The following NXPH2 variants were observed in gnomAD, a reference collection of about 807,000 sequenced individuals.
NXPH2 encodes the protein neurexophilin-2.
A neutral mutation model predicts 19.8 loss-of-function variants in NXPH2; 5 were observed. The observed-to-expected ratio is 0.25, with a 90% CI of 0.13 to 0.53. NXPH2 has a LOEUF of 0.53. Among genes scored for constraint, NXPH2 ranks in the 20% least tolerant of loss-of-function variants. The pLI is 0.96. For missense variants in NXPH2, 289 were observed against 322.8 expected (o/e 0.90, Z 0.80); for synonymous variants, 154 against 127.4 (o/e 1.21, Z -1.41).
chr2:138,704,830 T>G (rs1680983945), intron 1 of NXPH2, among the ~76,000 whole-genome samples: 2 of 151,692 alleles, frequency 1.3e-5, no homozygotes, highest in Admixed American at 1.3e-4. Context: ...CTAATTTTTT[T>G]TTTTTTTTTT....
intron 1 of NXPH2, among the ~76,000 whole-genome samples, chr2:138,773,843 C>T (rs909113554): frequency 3.9e-5 from 6 of 152,148 alleles, no homozygotes; most frequent in African/African-American, 1.4e-4. Context: ...GAGACATTTA[C>T]GTGCTTACAG....
chr2:138,693,121 T>C (rs1358412035), intron 1 of NXPH2, among the ~76,000 whole-genome samples: 1 of 152,198 alleles, frequency 6.6e-6, no homozygotes, highest in Non-Finnish European at 1.5e-5. Flanking sequence ...GTTCCATGAA[T>C]GTGTTGTGCT....
chr2:138,725,599 G>A (rs1488235518), intron 1 of NXPH2, among the ~76,000 whole-genome samples: 2 of 152,168 alleles, frequency 1.3e-5, no homozygotes, highest in Non-Finnish European at 2.9e-5. Context: ...ACAGAAAGAT[G>A]TTGTAGACTT....
intron 1 of NXPH2, among the ~76,000 whole-genome samples, chr2:138,697,331 A>G (rs1334546328): frequency 6.6e-6 from 1 of 152,166 alleles, no homozygotes; most frequent in Non-Finnish European, 1.5e-5. Context: ...TACTGTATGT[A>G]AATTATACCT....
At chr2:138,697,177 G>A (rs1680840862) in intron 1 of NXPH2, among the ~76,000 whole-genome samples, 1 of 152,064 alleles carries the variant, frequency 6.6e-6, no homozygotes. Flanking sequence ...GGGGTTGGTG[G>A]TGTTGACTGC....
At chr2:138,671,708 C>T in intron 1 of NXPH2, 43 bp from the exon 2 acceptor site, 1 of 1,504,712 alleles carries the variant, frequency 6.6e-7, no homozygotes, top group Non-Finnish European at 8.9e-7. Flanking sequence ...AGGTTAGTGC[C>T]GTGACTGCGC....
chr2:138,675,088 C>T (rs1016694182), intron 1 of NXPH2, among the ~76,000 whole-genome samples: 1 of 152,114 alleles, frequency 6.6e-6, no homozygotes, highest in Non-Finnish European at 1.5e-5. Context: ...TGATTCTTAC[C>T]TTTATATATC....
chr2:138,774,078 A>T (rs1190218109), intron 1 of NXPH2, among the ~76,000 whole-genome samples: 5 of 152,212 alleles, frequency 3.3e-5, no homozygotes, highest in Non-Finnish European at 7.4e-5. Context: ...TCAGGCACAC[A>T]AAAGTCACTT....
At chr2:138,776,237 A>G (rs1476578000) in intron 1 of NXPH2, among the ~76,000 whole-genome samples, 1 of 152,116 alleles carries the variant, frequency 6.6e-6, no homozygotes, top group Non-Finnish European at 1.5e-5. Context: ...GTAAACCCCT[A>G]AAATATTTTT....
intron 1 of NXPH2, among the ~76,000 whole-genome samples, chr2:138,756,843 G>A (rs1159598705): frequency 6.6e-6 from 1 of 152,114 alleles, no homozygotes; most frequent in Non-Finnish European, 1.5e-5. Flanking sequence ...GTAATTTATT[G>A]TATTAAATTA....
intron 1 of NXPH2, among the ~76,000 whole-genome samples, chr2:138,704,513 C>T (rs1003693666): frequency 8.5e-5 from 13 of 152,170 alleles, no homozygotes; most frequent in African/African-American, 3.1e-4. Flanking sequence ...GTTATTTATA[C>T]AGATAGTTTG....
At chr2:138,718,940 C>T (rs1346844928) in intron 1 of NXPH2, among the ~76,000 whole-genome samples, 2 of 150,942 alleles carry the variant, frequency 1.3e-5, no homozygotes. Context: ...ATCTGGAAGT[C>T]AATAGCTACT....
intron 1 of NXPH2, among the ~76,000 whole-genome samples, chr2:138,681,349 C>T (rs1027082923): frequency 6.6e-6 from 1 of 152,082 alleles, no homozygotes; most frequent in African/African-American, 2.4e-5. Flanking sequence ...AACCTAATTT[C>T]CCCCCATAAT....
chr2:138,713,175 G>A (rs957371960), intron 1 of NXPH2, among the ~76,000 whole-genome samples: 1 of 152,198 alleles, frequency 6.6e-6, no homozygotes, highest in African/African-American at 2.4e-5. Flanking sequence ...CCCCACTGCC[G>A]ATGGTTCTTC....
intron 1 of NXPH2, among the ~76,000 whole-genome samples, chr2:138,682,452 A>C (rs533330536): frequency 6.6e-6 from 1 of 152,224 alleles, no homozygotes; most frequent in Non-Finnish European, 1.5e-5. Context: ...TGACAAAAAA[A>C]GAATGAAAAA....
chr2:138,769,716 C>T (rs1249789999), intron 1 of NXPH2, among the ~76,000 whole-genome samples: 2 of 152,240 alleles, frequency 1.3e-5, no homozygotes, highest in East Asian at 3.9e-4. Flanking sequence ...CCAGGAGGCT[C>T]CCCTGAGCAC....
intron 1 of NXPH2, among the ~76,000 whole-genome samples, chr2:138,700,788 T>G (rs1680910055): frequency 6.6e-6 from 1 of 152,042 alleles, no homozygotes; most frequent in Non-Finnish European, 1.5e-5. Context: ...TTACATTTGC[T>G]AAGACTGGTT....
rs374025998 is a variant in NXPH2, at chr2:138,670,908, C to T, written c.*14G>A. 27 of 1,604,746 alleles carry T rather than the reference C, an allele frequency of 1.7e-5. No individual in the cohort carries two copies. The African/African-American group carries it at 2.1e-4, about 13-fold the overall frequency. ...AATACATATGTATCCCTCATTTCCA[C>T]CACAGCAGGAAGATCAGCCAGAAGA... On this transcript the variant is annotated 3_prime_UTR_variant, in exon 2 of 2. Transcript: ENST00000272641.
intron 1 of NXPH2, among the ~76,000 whole-genome samples, chr2:138,698,896 G>A (rs571683822): frequency 1.3e-5 from 2 of 152,240 alleles, no homozygotes; most frequent in Admixed American, 6.5e-5. Context: ...TAGTCTTCTA[G>A]TTTCTGGTGA....
Sources: allele counts gnomAD v4.1 joint callset (sites outside exome capture counted in the v4.1 genomes callset), GRCh38; gene constraint gnomAD v4.1.1; transcripts MANE v1.5; gene names NCBI Gene and HGNC (gene_info 2026-07-23, HGNC 2026-07-21).